LAMA5: variants seen among roughly 807,000 people sequenced by gnomAD.
LAMA5 encodes the protein laminin subunit alpha-5.
In LAMA5, 260 loss-of-function variants were observed where a neutral mutation model predicts 433.4. That is an observed-to-expected ratio of 0.60 (90% CI 0.54 to 0.66). The LOEUF is 0.66. LAMA5 is among the 30% of genes least tolerant of loss of function. LAMA5 has a pLI of 0.00. For missense variants in LAMA5, 5,378 were observed against 5,258.5 expected, an observed-to-expected ratio of 1.02 and a Z score of -0.70; for synonymous variants, 2,620 against 2,226.6, an observed-to-expected ratio of 1.18 and a Z score of -4.97.
Position 62,325,393 on chromosome 20 carries a change from G to A in LAMA5, c.5452C>T (p.Pro1818Ser). The change falls in exon 41 of 80, where the codon CCA (proline) becomes TCA (serine). Residue 1818 changes from proline to serine, a missense_variant. Coordinates refer to ENST00000252999, the MANE Select transcript of LAMA5 (RefSeq NM_005560.6). ...CTGGCCAGGGCCCCCTGGCCTGCTG[G>A]GCTGGCCACCTCCAGTGCCACCCTG... ...LRRVALEVAS[P>S]AGQGALASNV... 2 of 1,611,546 alleles carry A rather than the reference G, an allele frequency of 1.2e-6. No homozygotes were observed. The highest frequency in any genetic ancestry group is 1.7e-6 in the Non-Finnish European group (2 of 1,179,134).
intron 53 of LAMA5, among the ~76,000 whole-genome samples, chr20:62,318,076 A>AGAGGAGGAGAAG (rs1250304157): frequency 7.9e-5 from 1 of 12,610 alleles, no homozygotes; most frequent in African/African-American, 4.5e-4. Context: ...TGGGGAAATG[A>AGAGGAGGAGAAG]GAGGAGGAGA....
At chr20:62,346,421 T>G (rs1983373592) in intron 9 of LAMA5, 85 bp downstream of exon 9, 1 of 1,433,862 alleles carries the variant, frequency 7.0e-7, no homozygotes, top group Non-Finnish European at 9.5e-7. Context: ...GGACATCCCC[T>G]CCAAAGCAGC....
At chr20:62,365,029 C>T (rs938079522) in intron 1 of LAMA5, among the ~76,000 whole-genome samples, 2 of 152,244 alleles carry the variant, frequency 1.3e-5, no homozygotes, top group South Asian at 2.1e-4. Context: ...AGCAGACCCG[C>T]GGCTCTCAGA....
In LAMA5 at chr20:62,320,655, G is replaced by T. The variant is rs145502915; in HGVS notation, c.6663C>A (p.Ser2221Arg). 2 of 1,608,372 alleles carry T rather than the reference G, an allele frequency of 1.2e-6. No homozygotes were observed. The highest frequency in any genetic ancestry group is 1.1e-5 in the South Asian group (1 of 90,724). ...SIADLQSQLR[S>R]PLGPRHETAQ... Reference sequence around the variant, plus strand: ...CCGTCTCATGGCGGGGGCCCAGGGGGCTCCGGAGCTGGCTCTGTGGGAGGC... The same window carrying T: ...CCGTCTCATGGCGGGGGCCCAGGGGTCTCCGGAGCTGGCTCTGTGGGAGGC... The change falls in exon 50 of 80, where the codon AGC becomes AGA. Residue 2221 changes from serine to arginine, a missense_variant. By Grantham distance (110) the Ser-to-Arg change is moderately radical. Coordinates refer to ENST00000252999, the MANE Select transcript of LAMA5 (RefSeq NM_005560.6).
In LAMA5 at chr20:62,314,369, C is replaced by G. The variant is rs748670205; in HGVS notation, c.8439G>C (p.Ala2813=). Reference sequence around the variant, plus strand: ...CATCGATGCTTAGGACTGCAGGGCCCGCCTCACCCAGCTGATACACCCAGT... The same window carrying G: ...CATCGATGCTTAGGACTGCAGGGCCGGCCTCACCCAGCTGATACACCCAGT... ...KVHWVYQLGE[A]GPAVLSIDED... The change falls in exon 62 of 80, where the codon GCG becomes GCC. Residue 2813 remains alanine (A), a synonymous_variant. Transcript: ENST00000252999. 2 of 1,613,344 alleles carry G rather than the reference C, an allele frequency of 1.2e-6. No homozygotes were observed. The highest frequency in any genetic ancestry group is 1.3e-5 in the African/African-American group (1 of 74,886).
chr20:62,327,710 G>C (rs1473307603), intron 36 of LAMA5, 41 bp from the exon 37 acceptor site: 1 of 1,602,770 alleles, frequency 6.2e-7, no homozygotes, highest in Admixed American at 1.7e-5. Context: ...GCAGGTGCCA[G>C]GTGCCTGACC....
Position 62,317,422 on chromosome 20 carries a change from C to G in LAMA5, c.7434G>C (p.Ala2478=). ...CCTCCACTAGACGCAGCTTGCTGCC[C>G]GCCGGGGAGAAGGTCTGCATCCTCT... ...LLQRMQTFSP[A]GSKLRLVEAA... Residue 2478 remains alanine (A), a synonymous_variant, in exon 55 of 80, where the codon GCG becomes GCC. Coordinates refer to ENST00000252999, the MANE Select transcript of LAMA5 (RefSeq NM_005560.6). The G allele has an allele frequency of 1.2e-6, 2 of 1,606,374 alleles. No homozygotes were observed. Among genetic ancestry groups the G allele is most frequent in the Non-Finnish European group, 1.7e-6 (2 of 1,176,856 alleles).
intron 53 of LAMA5, 86 bp downstream of exon 53, chr20:62,318,368 G>T (rs1987277064): frequency 1.1e-6 from 1 of 916,182 alleles, no homozygotes; most frequent in Non-Finnish European, 1.7e-6. Context: ...GACGAGGGGA[G>T]GGGAGGGGAG....
chr20:62,321,310 A>G (rs1381695057), intron 48 of LAMA5, among the ~76,000 whole-genome samples: 2 of 55,016 alleles, frequency 3.6e-5, no homozygotes. Flanking sequence ...GGGGCCAGTG[A>G]AGGTGTGGGG....
At chr20:62,360,031 C>T (rs1055620177) in intron 2 of LAMA5, among the ~76,000 whole-genome samples, 3 of 150,922 alleles carry the variant, frequency 2.0e-5, no homozygotes, top group East Asian at 2.0e-4. Flanking sequence ...ACCCGCCGCT[C>T]AGCCTGGCTT....
Position 62,318,975 on chromosome 20 carries a change from C to A in LAMA5, c.6910G>T (p.Ala2304Ser), listed in dbSNP as rs780240414. The change falls in exon 52 of 80, where the codon GCC becomes TCC. Residue 2304 changes from alanine (A) to serine (S), a missense_variant. Coordinates refer to ENST00000252999, the MANE Select transcript of LAMA5 (RefSeq NM_005560.6). The part of the protein sequence containing the change: ...SQTGHLGLAN[A>S]SAPSGEQLLR... ...AGCTGCTCACCTGATGGAGCCGAGG[C>A]ATTGGCCAGCCCCAGGTGGCCCGTC... 1.3e-6 allele frequency: 2 copies of A among 1,593,758 alleles called. No homozygotes were observed. Among genetic ancestry groups the A allele is most frequent in the Admixed American group, 3.5e-5 (2 of 57,230 alleles).
intron 34 of LAMA5, 106 bp from the exon 35 acceptor site, chr20:62,328,551 A>G: frequency 8.4e-7 from 1 of 1,187,498 alleles, no homozygotes; most frequent in Non-Finnish European, 1.1e-6. Context: ...GGGGCGGGGG[A>G]GACAAGAACA....
chr20:62,366,979 C>G lies in LAMA5; in HGVS notation c.267G>C (p.Val89=). Residue 89 remains valine, a synonymous_variant, in exon 1 of 80, where the codon GTG becomes GTC. Transcript: ENST00000252999. ...DLYCKLVGGP[V]AGGDPNQTIR... Reference sequence around the variant, plus strand: ...TGGTCTGGTTGGGGTCGCCGCCGGCCACGGGGCCCCCTACCAGCTTGCAGT... The same window carrying G: ...TGGTCTGGTTGGGGTCGCCGCCGGCGACGGGGCCCCCTACCAGCTTGCAGT... 7.8e-7 allele frequency: 1 copy of G among 1,278,582 alleles called. No homozygotes were observed. The highest frequency in any genetic ancestry group is 9.9e-7 in the Non-Finnish European group (1 of 1,013,324). The allele number at this position is 1,278,582 out of a possible 1,614,324, so 79.2% of individuals were successfully genotyped here. A position where few individuals can be genotyped will look rare whatever the true frequency, so the allele number is the denominator to read the frequency against.
At chr20:62,337,365 T>C (rs1321703100) in intron 16 of LAMA5, among the ~76,000 whole-genome samples, 6 of 151,890 alleles carry the variant, frequency 4.0e-5, no homozygotes, top group Non-Finnish European at 1.5e-5. Flanking sequence ...CATGCACCCA[T>C]ACGAGACACG....
In LAMA5 at chr20:62,309,442, T is replaced by C. The variant is rs1462131589; in HGVS notation, c.10982A>G (p.Tyr3661Cys). 1.3e-6 allele frequency: 2 copies of C among 1,584,142 alleles called. No individual in the cohort carries two copies. The highest frequency in any genetic ancestry group is 1.7e-6 in the Non-Finnish European group (2 of 1,174,452). ...PMAVQPWPPA[Y>C]CGCMRRLAVN... The stretch of plus-strand genomic sequence containing the variant: ...CGCCAGCCTCCTCATGCAGCCGCAG[T>C]AGGCGGGGGGCCAGGGCTGCACGGC... Residue 3661 changes from tyrosine (Y) to cysteine (C), a missense_variant, in exon 80 of 80, where the codon TAC (tyrosine) becomes TGC (cysteine). Transcript: ENST00000252999.
At chr20:62,363,069 C>A (rs1344534799) in intron 1 of LAMA5, among the ~76,000 whole-genome samples, 1 of 152,122 alleles carries the variant, frequency 6.6e-6, no homozygotes, top group East Asian at 1.9e-4. Flanking sequence ...CAAAATGCAG[C>A]AAGCCAGGGG....
At chr20:62,323,713 C>T (rs1174338764) in intron 44 of LAMA5, 43 bp from the exon 45 acceptor site, 1 of 1,593,762 alleles carries the variant, frequency 6.3e-7, no homozygotes, top group Non-Finnish European at 8.6e-7. Flanking sequence ...CCCGTGGCGC[C>T]CACCCTCGCA....
intron 48 of LAMA5, among the ~76,000 whole-genome samples, chr20:62,321,302 G>A (rs1484732523): frequency 3.3e-5 from 3 of 91,092 alleles, no homozygotes; most frequent in East Asian, 6.3e-4. Flanking sequence ...AGGAAGAGGG[G>A]GCCAGTGAAG....
rs764465066 is a variant in LAMA5, at chr20:62,327,571, C to T, written c.4896G>A (p.Gly1632=). ...PKGCTRCFCF[G]ATERCRSSSY... Reference sequence around the variant, plus strand: ...ACGAGCTCCGGCAGCGCTCCGTGGCCCCAAAGCAGAAGCAGCGGGTGCAAC... The same window carrying T: ...ACGAGCTCCGGCAGCGCTCCGTGGCTCCAAAGCAGAAGCAGCGGGTGCAAC... Residue 1632 remains glycine, a synonymous_variant, in exon 37 of 80, where the codon GGG becomes GGA. Transcript: ENST00000252999. The T allele has an allele frequency of 6.2e-7, 1 of 1,612,922 alleles. No individual in the cohort carries two copies. Among genetic ancestry groups the T allele is most frequent in the Non-Finnish European group, 8.5e-7 (1 of 1,180,004 alleles).
Sources: gnomAD v4.1 joint callset for allele counts (sites outside exome capture counted in the v4.1 genomes callset) on GRCh38, gnomAD v4.1.1 for gene constraint, MANE v1.5 for transcripts, NCBI Gene and HGNC (gene_info 2026-07-23, HGNC 2026-07-21) for gene names.